DST: variants seen among roughly 807,000 people sequenced by gnomAD.
DST encodes bullous pemphigoid antigen.
DST carries 253 observed loss-of-function variants against 875.2 expected under a neutral mutation model. That is an observed-to-expected ratio of 0.29 (90% CI 0.26 to 0.32). The LOEUF is 0.32. Ranked by LOEUF, DST falls within the 10% of genes least tolerant of loss-of-function variation. The pLI, the probability that DST is intolerant of heterozygous loss-of-function variation, is 1.00. For missense variants in DST, 8,287 were observed against 9,111.6 expected (o/e 0.91, Z 3.68); for synonymous variants, 3,124 against 3,197.1 (o/e 0.98, Z 0.77).
Position 56,773,960 on chromosome 6 carries a change from A to G in DST, c.626-38671T>C, listed in dbSNP as rs556689171. On this transcript the variant is annotated intron_variant, in intron 4 of 103. Coordinates refer to ENST00000680361, the MANE Select transcript of DST (RefSeq NM_001374736.1). ...TGGTGAGAACCTGTCTCTACTAAAA[A>G]TACAAAAAACAGGCACGGTGGTATG... is the stretch of plus-strand genomic sequence containing the variant. 2.4e-4 allele frequency among the ~76,000 whole-genome samples: 36 copies of G among 152,150 alleles called. No individual in the cohort carries two copies. In the East Asian group the frequency reaches 6.8e-3, roughly 29 times the overall value.
At chr6:56,849,268 C>G (rs1400196672) in intron 4 of DST, among the ~76,000 whole-genome samples, 1 of 150,810 alleles carries the variant, frequency 6.6e-6, no homozygotes, top group Admixed American at 6.6e-5. Context: ...TCTAGAGTAA[C>G]TGGGACTACA....
In DST at chr6:56,472,142, G is replaced by A. The variant is rs756720042; in HGVS notation, c.22075C>T (p.Leu7359=). The change falls in exon 94 of 104, where the codon CTG becomes TTG. Residue 7359 remains leucine (L), a synonymous_variant. Transcript: ENST00000680361. ...CAGACTTGCTGCCATTTGCTCACCA[G>A]TAAGTTTACCCTAGGATTTTTGGTT... The part of the protein sequence containing the change: ...IETKNPRVNL[L]VSKWQQVWLL... 6.2e-7 allele frequency: 1 copy of A among 1,613,894 alleles called. No homozygotes were observed. Among genetic ancestry groups the A allele is most frequent in the Admixed American group, 1.7e-5 (1 of 60,016 alleles).
At chr6:56,618,429 T>C in intron 36 of DST, 1 of 1,614,212 alleles carries the variant, frequency 6.2e-7, no homozygotes, top group African/African-American at 1.3e-5. Flanking sequence ...GTGCTCTTTT[T>C]TTGAATTTCA....
At chr6:56,653,249 T>C (rs1179163482) in intron 10 of DST, among the ~76,000 whole-genome samples, 1 of 152,212 alleles carries the variant, frequency 6.6e-6, no homozygotes, top group Non-Finnish European at 1.5e-5. Context: ...AGCTGTAGAA[T>C]ACAATGAGTC....
At position 56,615,536 on chromosome 6, in the gene DST, C is replaced by T. The variant is rs570997673; in HGVS notation, c.4930-1052G>A. ...GTCCCATTAGGAAGAATAGTAGAGG[C>T]TAGAAATTCCTGTCATCAGGGGCTC... is the stretch of plus-strand genomic sequence containing the variant. On this transcript the variant is annotated intron_variant, in intron 36 of 103. Coordinates refer to ENST00000680361, the MANE Select transcript of DST (RefSeq NM_001374736.1). The T allele has an allele frequency of 1.2e-5, 19 of 1,614,080 alleles. No individual in the cohort carries two copies. The highest frequency in any genetic ancestry group is 6.7e-5 in the East Asian group (3 of 44,876).
chr6:56,469,103 G>A (rs2094742926), intron 97 of DST, 104 bp from the exon 98 acceptor site: 3 of 858,210 alleles, frequency 3.5e-6, no homozygotes, highest in African/African-American at 1.7e-5. Context: ...GCTTCTGGAT[G>A]TAGTATCTAG....
intron 36 of DST, among the ~76,000 whole-genome samples, chr6:56,621,681 G>T (rs1166641655): frequency 1.3e-5 from 2 of 152,236 alleles, no homozygotes; most frequent in East Asian, 3.9e-4. Flanking sequence ...ATTGATTATA[G>T]AACTACATGA....
intron 5 of DST, among the ~76,000 whole-genome samples, chr6:56,724,527 T>C (rs1452931202): frequency 2.0e-5 from 3 of 152,238 alleles, no homozygotes; most frequent in Non-Finnish European, 4.4e-5. Context: ...GTTGAAATGC[T>C]ATGTTGTGGC....
chr6:56,620,713 A>C (rs2098682906), intron 36 of DST: 1 of 1,612,940 alleles, frequency 6.2e-7, no homozygotes, highest in African/African-American at 1.3e-5. Flanking sequence ...TACACCTTTT[A>C]ATCTACAAAA....
chr6:56,821,205 A>C (rs1409387849), intron 4 of DST, among the ~76,000 whole-genome samples: 1 of 152,226 alleles, frequency 6.6e-6, no homozygotes, highest in African/African-American at 2.4e-5. Flanking sequence ...ATTAACTTTC[A>C]AAATAATGGT....
At chr6:56,465,222 C>T (rs1412577677) in intron 99 of DST, among the ~76,000 whole-genome samples, 1 of 152,126 alleles carries the variant, frequency 6.6e-6, no homozygotes, top group Non-Finnish European at 1.5e-5. Flanking sequence ...ACACCATCAC[C>T]AAAACCAAGA....
At chr6:56,572,062 T>A in intron 53 of DST, 38 bp downstream of exon 53, 1 of 1,217,494 alleles carries the variant, frequency 8.2e-7, no homozygotes, top group Non-Finnish European at 1.1e-6. Flanking sequence ...CTAATTAATA[T>A]AAATAGAATA....
chr6:56,576,421 G>C (rs748330553), intron 50 of DST, among the ~76,000 whole-genome samples: 9 of 152,152 alleles, frequency 5.9e-5, no homozygotes, highest in Non-Finnish European at 1.0e-4. Flanking sequence ...TTTGGGACTT[G>C]TGATTGGTAT....
rs1000249447 is a variant in DST, at chr6:56,775,011, A to G, written c.626-39722T>C. 6.0e-5 allele frequency among the ~76,000 whole-genome samples: 9 copies of G among 150,248 alleles called. No individual in the cohort carries two copies. In the South Asian group the frequency reaches 1.9e-3, roughly 31 times the overall value. On this transcript the variant is annotated intron_variant, in intron 4 of 103. Transcript: ENST00000680361. ...CCATCTCAAAAAAAAAAAAAAAAAAAGGAAAAGAAATACAAATCCCTAACA... is the reference window on the plus strand; with the variant it reads ...CCATCTCAAAAAAAAAAAAAAAAAAGGGAAAAGAAATACAAATCCCTAACA...
chr6:56,658,831 C>A (rs2099023843), intron 10 of DST, among the ~76,000 whole-genome samples: 1 of 152,126 alleles, frequency 6.6e-6, no homozygotes, highest in Non-Finnish European at 1.5e-5. Flanking sequence ...CAGGAGAAAA[C>A]CTGGTGGAAG....
At chr6:56,675,687 A>G (rs566525227) in intron 9 of DST, among the ~76,000 whole-genome samples, 1 of 152,008 alleles carries the variant, frequency 6.6e-6, no homozygotes, top group South Asian at 2.1e-4. Context: ...CCCCATCTCT[A>G]CTAAAATACA....
intron 15 of DST, chr6:56,643,044 A>C (rs1475378695): frequency 1.5e-6 from 1 of 657,752 alleles, no homozygotes; most frequent in Non-Finnish European, 2.4e-6. Flanking sequence ...TTAAAACCCT[A>C]CAAGTATGAA....
chr6:56,928,637 A>G (rs1808478531), intron 2 of DST, among the ~76,000 whole-genome samples: 1 of 152,238 alleles, frequency 6.6e-6, no homozygotes, highest in Non-Finnish European at 1.5e-5. Flanking sequence ...AAGAGGATAT[A>G]CAATAATCAC....
intron 4 of DST, among the ~76,000 whole-genome samples, chr6:56,829,079 C>T (rs2099784057): frequency 6.6e-6 from 1 of 152,034 alleles, no homozygotes; most frequent in Admixed American, 6.5e-5. Context: ...AAGTTCACTG[C>T]TAAAGTGGAA....
Sources: allele counts gnomAD v4.1 joint callset (sites outside exome capture counted in the v4.1 genomes callset), GRCh38; gene constraint gnomAD v4.1.1; transcripts MANE v1.5; gene names NCBI Gene and HGNC (gene_info 2026-07-23, HGNC 2026-07-21).